TCP1: variants seen among roughly 807,000 people sequenced by gnomAD.
TCP1 encodes T-complex protein 1 subunit alpha.
TCP1 carries 6 observed loss-of-function variants against 54.7 expected under a neutral mutation model. The ratio of observed to expected loss-of-function variants is 0.11; its 90% CI spans 0.06 to 0.22. The LOEUF (loss-of-function observed/expected upper bound fraction) is 0.22. Among genes scored for constraint, TCP1 ranks in the 10% least tolerant of loss-of-function variants. The pLI is 1.00. For synonymous variants in TCP1, 225 were observed against 229.7 expected, an observed-to-expected ratio of 0.98 and a Z score of 0.19; for missense variants, 511 against 678.2, an observed-to-expected ratio of 0.75 and a Z score of 2.74.
intron 2 of TCP1, 72 bp from the exon 3 acceptor site, chr6:159,787,943 C>G: frequency 6.2e-7 from 1 of 1,606,718 alleles, no homozygotes; most frequent in Non-Finnish European, 8.5e-7. Context: ...TACACGTTCA[C>G]CTTTAATATC....
Position 159,780,107 on chromosome 6 carries a change from A to G in TCP1, c.1098-20T>C, listed in dbSNP as rs1780536357. The G allele has an allele frequency of 1.9e-6, 3 of 1,584,926 alleles. No individual in the cohort carries two copies. Among genetic ancestry groups the G allele is most frequent in the Non-Finnish European group, 8.6e-7 (1 of 1,168,958 alleles). On this transcript the variant is annotated intron_variant, in intron 9 of 11. Transcript: ENST00000321394. The stretch of plus-strand genomic sequence containing the variant: ...TTAGTACTGTTCAAAACAAAAGTAC[A>G]ATTCTTGTAATAGCATTTTTAAAAA...
At chr6:159,787,078 T>TAAAGAAAAAAAA (rs1554269420) in intron 3 of TCP1, among the ~76,000 whole-genome samples, 4 of 133,614 alleles carry the variant, frequency 3.0e-5, no homozygotes, top group African/African-American at 1.1e-4. Context: ...CCCTGTCTCT[T>TAAAGAAAAAAAA]AAAAAAAAAA....
chr6:159,786,991 C>A (rs1310479588), intron 3 of TCP1, among the ~76,000 whole-genome samples: 3 of 151,076 alleles, frequency 2.0e-5, no homozygotes, highest in African/African-American at 7.3e-5. Context: ...TGCGTGTAAT[C>A]CCAGCACTAC....
chr6:159,780,530 T>C lies in TCP1; in HGVS notation c.1010A>G (p.Glu337Gly). ...CAACATTGCAGCTTCAAAAGTTTCT[T>C]CACCTTCCAAATTGGCCAGGGTTGA... ...ILSTLANLEG[E>G]ETFEAAMLGQ... The change falls in exon 9 of 12, where the codon GAA becomes GGA. Residue 337 changes from glutamate (E) to glycine (G), a missense_variant. Physicochemically the swap from Glu to Gly is moderately conservative, Grantham distance 98. Transcript: ENST00000321394. The C allele has an allele frequency of 6.2e-7, 1 of 1,614,054 alleles. No individual in the cohort carries two copies. Among genetic ancestry groups the C allele is most frequent in the Non-Finnish European group, 8.5e-7 (1 of 1,179,966 alleles).
rs772970539 is a variant in TCP1 at position 159,779,830 on chromosome 6, A to AAAAAAAAATTG, written c.1291-51_1291-41dup. ...AAATTAGGTGACTTCACAAAAGGGA[A>AAAAAAAAATTG]AAAAAAAATTGAAGTCCACAGCTAC... On this transcript the variant is annotated intron_variant, in intron 10 of 11. Coordinates refer to ENST00000321394, the MANE Select transcript of TCP1 (RefSeq NM_030752.3). 6.9e-6 allele frequency: 11 copies of AAAAAAAAATTG among 1,584,514 alleles called. No individual in the cohort carries two copies. In the South Asian group the frequency reaches 1.2e-4, roughly 17 times the overall value.
At chr6:159,780,215 G>T in intron 9 of TCP1, 128 bp from the exon 10 acceptor site, 1 of 1,267,272 alleles carries the variant, frequency 7.9e-7, no homozygotes. Flanking sequence ...CTTAAGTCCT[G>T]CCTACACAGG....
chr6:159,780,992 T>C lies in TCP1; in HGVS notation c.916A>G (p.Met306Val), dbSNP rs1458414290. ...CLKYFVEAGA[M>V]AVRRVLKRDL... ...CTTTTTAAAACTCTTCTAACTGCCA[T>C]AGCACCAGCCTCCACAAAATACTTC... Residue 306 changes from methionine (M) to valine (V), a missense_variant, in exon 8 of 12, where the codon ATG becomes GTG. Met to Val is a conservative substitution (Grantham distance 21, BLOSUM62 1). Around this residue, in one of 5 missense-constraint regions of TCP1, gnomAD observed 305 missense variants for 352.8 expected, o/e 0.86. Coordinates refer to ENST00000321394, the MANE Select transcript of TCP1 (RefSeq NM_030752.3). 3 of 1,613,408 alleles carry C rather than the reference T, an allele frequency of 1.9e-6. No individual in the cohort carries two copies. The highest frequency in any genetic ancestry group is 1.3e-5 in the African/African-American group (1 of 74,900).
At chr6:159,785,535 C>A in intron 4 of TCP1, 39 bp from the exon 5 acceptor site, 1 of 1,471,168 alleles carries the variant, frequency 6.8e-7, no homozygotes, top group South Asian at 1.1e-5. Flanking sequence ...CTTATAAAGT[C>A]ACTACTCAAA....
intron 6 of TCP1, among the ~76,000 whole-genome samples, 168 bp from the exon 7 acceptor site, chr6:159,784,235 C>T (rs1169837304): frequency 6.6e-6 from 1 of 152,120 alleles, no homozygotes; most frequent in East Asian, 1.9e-4. Flanking sequence ...ATTCACATTC[C>T]TTCTACCATG....
intron 1 of TCP1, 122 bp downstream of exon 1, chr6:159,789,283 G>T: frequency 8.7e-7 from 1 of 1,145,038 alleles, no homozygotes; most frequent in Non-Finnish European, 1.2e-6. Flanking sequence ...GGGTCCGGCT[G>T]CGGGGCCCCG....
rs35012541 is a variant in TCP1 at position 159,781,627 on chromosome 6, T to C, written c.798-517A>G. On this transcript the variant is annotated intron_variant, in intron 7 of 11. Transcript: ENST00000321394. The stretch of plus-strand genomic sequence containing the variant: ...CTCTACTAAAAATACAAAAAATTAG[T>C]TGGGCCTGGTGGTGGGCGCCTGTAA... 9.1e-3 allele frequency among the ~76,000 whole-genome samples: 1,389 copies of C among 152,116 alleles called. 12 individuals carry two copies. The highest frequency in any genetic ancestry group is 0.014 in the Middle Eastern group (4 of 294).
chr6:159,780,172 G>T, intron 9 of TCP1, 85 bp from the exon 10 acceptor site: 2 of 1,499,362 alleles, frequency 1.3e-6, no homozygotes, highest in Non-Finnish European at 1.8e-6. Flanking sequence ...AAAAAAAATG[G>T]CATTTTAATA....
In TCP1 at chr6:159,778,811, G is replaced by T. The variant is rs759866577; in HGVS notation, c.*234C>A. On this transcript the variant is annotated 3_prime_UTR_variant, in exon 12 of 12. Coordinates refer to ENST00000321394, the MANE Select transcript of TCP1 (RefSeq NM_030752.3). ...TTGGGGGTGGGATGGGAATAGCAAT[G>T]TGTGTTCAGAGAGAATGAATTGCTT... is the stretch of plus-strand genomic sequence containing the variant. 6.2e-7 allele frequency: 1 copy of T among 1,614,180 alleles called. No homozygotes were observed.
rs547914371 is a variant in TCP1 at position 159,785,575 on chromosome 6, G to A, written c.378-79C>T. The A allele has an allele frequency of 2.8e-5, 32 of 1,136,420 alleles. No homozygotes were observed. In the African/African-American group the frequency reaches 3.5e-4, roughly 12 times the overall value. 70.4% of individuals were successfully genotyped at this position (1,136,420 alleles called of 1,614,324 possible). A position where few individuals can be genotyped will look rare whatever the true frequency, so the allele number is the denominator to read the frequency against. ...TTGCATTCATCATGCTTAACACAGA[G>A]CCAAAATGTCGTAAGTAATAATATC... On this transcript the variant is annotated intron_variant, in intron 4 of 11. Coordinates refer to ENST00000321394, the MANE Select transcript of TCP1 (RefSeq NM_030752.3).
rs749858753 is a variant in TCP1, at chr6:159,784,055, C to T, written c.683G>A (p.Arg228Lys). 1.6e-5 allele frequency: 26 copies of T among 1,613,170 alleles called. No individual in the cohort carries two copies. The highest frequency in any genetic ancestry group is 2.1e-5 in the Non-Finnish European group (25 of 1,179,800). ...CVVGSQGMPK[R>K]IVNAKIACLD... ...GCAAGCAATTTTTGCATTTACGATTCTCTTGGGCATGCCTACAATTGAACA... is the reference window on the plus strand; with the variant it reads ...GCAAGCAATTTTTGCATTTACGATTTTCTTGGGCATGCCTACAATTGAACA... The change falls in exon 7 of 12, where the codon AGA becomes AAA. Residue 228 changes from arginine to lysine, a missense_variant. Around this residue, in one of 5 missense-constraint regions of TCP1, gnomAD observed 305 missense variants for 352.8 expected, o/e 0.86. Coordinates refer to ENST00000321394, the MANE Select transcript of TCP1 (RefSeq NM_030752.3).
chr6:159,782,253 C>G (rs998102064), intron 7 of TCP1, among the ~76,000 whole-genome samples: 1 of 152,192 alleles, frequency 6.6e-6, no homozygotes, highest in Admixed American at 6.5e-5. Context: ...ATAGATCATT[C>G]GAAGAATTTT....
At position 159,779,017 on chromosome 6, in the gene TCP1, C is replaced by T; in HGVS notation, c.*28G>A. 6.3e-7 allele frequency: 1 copy of T among 1,598,820 alleles called. No homozygotes were observed. The highest frequency in any genetic ancestry group is 2.2e-5 in the East Asian group (1 of 44,696). ...CAAGGTACAAGACAATTGCATTTAA[C>T]ATTGTTATAAATAAAAGGAACATCA... is the stretch of plus-strand genomic sequence containing the variant. On this transcript the variant is annotated 3_prime_UTR_variant, in exon 12 of 12. Transcript: ENST00000321394.
chr6:159,783,904 T>A (rs375087170), intron 7 of TCP1, 37 bp downstream of exon 7: 16 of 1,546,238 alleles, frequency 1.0e-5, no homozygotes, highest in Middle Eastern at 4.8e-4. Flanking sequence ...TCCAAGACAC[T>A]CACACTTAAA....
At chr6:159,784,219 C>A (rs1780640521) in intron 6 of TCP1, 152 bp from the exon 7 acceptor site, 2 of 946,748 alleles carry the variant, frequency 2.1e-6, no homozygotes, top group East Asian at 2.8e-5. Flanking sequence ...CACGTAATTT[C>A]TTTTAATTCA....
Sources: allele counts gnomAD v4.1 joint callset (sites outside exome capture counted in the v4.1 genomes callset), GRCh38; gene constraint gnomAD v4.1.1; regional missense constraint gnomAD v4.1.1; transcripts MANE v1.5; gene names NCBI Gene and HGNC (gene_info 2026-07-23, HGNC 2026-07-21).